The following DMD variants were observed in gnomAD, a reference collection of about 807,000 sequenced individuals.
DMD encodes dystrophin, also known as mutant dystrophin.
A neutral mutation model predicts 330.1 loss-of-function variants in DMD; 63 were observed. The observed-to-expected ratio is 0.19, with a 90% CI of 0.16 to 0.24. DMD has a LOEUF of 0.24. DMD is among the 10% of genes least tolerant of loss of function. The pLI, the probability that DMD is intolerant of heterozygous loss-of-function variation, is 1.00. For missense variants in DMD, 3,344 were observed against 2,684.1 expected (o/e 1.25, Z -5.43); for synonymous variants, 1,223 against 959.8 (o/e 1.27, Z -5.07).
chrX:32,758,667 C>G (rs1201235625), intron 7 of DMD, among the ~76,000 whole-genome samples: 1 of 111,445 alleles, frequency 9.0e-6, no homozygotes, highest in Non-Finnish European at 1.9e-5. Flanking sequence ...CCCATTTACT[C>G]TTACTGCAAT....
At chrX:32,237,684 T>C (rs995962827) in intron 43 of DMD, among the ~76,000 whole-genome samples, 1 of 112,042 alleles carries the variant, frequency 8.9e-6, no homozygotes, top group Non-Finnish European at 1.9e-5. Context: ...ATATCACTCC[T>C]ACATAGAGGC....
At chrX:31,327,416 G>A (rs1021256500) in intron 61 of DMD, among the ~76,000 whole-genome samples, 1 of 112,030 alleles carries the variant, frequency 8.9e-6, no homozygotes, top group African/African-American at 3.2e-5. Flanking sequence ...TATTTCAGCC[G>A]TTTTTAAATG....
chrX:33,114,730 CATAG>C (rs10548235), intron 1 of DMD, among the ~76,000 whole-genome samples: 2,786 of 111,588 alleles, frequency 0.025, 92 homozygotes, highest in African/African-American at 0.086. Context: ...AATATTTTTT[CATAG>C]ATAGTAACAC....
rs187085528 is a variant in DMD at position 32,389,923 on chromosome X, G to A, written c.4344+148C>T. On this transcript the variant is annotated intron_variant, in intron 31 of 78. Transcript: ENST00000357033. ...ACCTATTTTATCTTTAAAATGTAGAGAGCAAAACACTCATTGTTTAGACAT... is the reference window on the plus strand; with the variant it reads ...ACCTATTTTATCTTTAAAATGTAGAAAGCAAAACACTCATTGTTTAGACAT... The A allele has an allele frequency of 5.5e-4, 294 of 537,687 alleles. No homozygotes were observed. In the African/African-American group the frequency reaches 5.7e-3, roughly 10 times the overall value. 44.3% of individuals were successfully genotyped at this position (537,687 alleles called of 1,213,427 possible). A position where few individuals can be genotyped will look rare whatever the true frequency, so the allele number is the denominator to read the frequency against.
Position 32,465,604 on chromosome X carries a change from G to A in DMD, c.3163-905C>T, listed in dbSNP as rs866205675. On this transcript the variant is annotated intron_variant, in intron 23 of 78. Coordinates refer to ENST00000357033, the MANE Select transcript of DMD (RefSeq NM_004006.3). ...TTTGTTTTTTTTTTTTTTTTTTTTT[G>A]AGATGGAGTCTTGCTCTGTCGCCCA... Among the ~76,000 whole-genome samples, 7 of 12,168 alleles carry A rather than the reference G, an allele frequency of 5.8e-4. No individual in the cohort carries two copies. In the Middle Eastern group the frequency reaches 0.071, roughly 124 times the overall value. The allele number at this position is 12,168 out of a possible 115,157, so 10.6% of individuals were successfully genotyped here. A position where few individuals can be genotyped will look rare whatever the true frequency, so the allele number is the denominator to read the frequency against.
At chrX:32,548,131 CACAAGGTTTCTATAAAATTCT>C (rs2049158790) in intron 16 of DMD, among the ~76,000 whole-genome samples, 1 of 111,153 alleles carries the variant, frequency 9.0e-6, no homozygotes, top group African/African-American at 3.3e-5. Flanking sequence ...GCAGCTGAAC[CACAAGGTTTCTATAAAATTCT>C]AATGTTTATT....
intron 7 of DMD, among the ~76,000 whole-genome samples, chrX:32,802,401 G>A (rs888620127): frequency 4.5e-5 from 5 of 111,840 alleles, no homozygotes; most frequent in Non-Finnish European, 9.4e-5. Context: ...GAGATTTTCG[G>A]CTGAGATGAT....
chrX:31,450,897 T>G (rs997393078), intron 59 of DMD, among the ~76,000 whole-genome samples: 5 of 111,269 alleles, frequency 4.5e-5, no homozygotes, highest in Non-Finnish European at 9.4e-5. Context: ...GTGGCTTCCT[T>G]TTGGCTGAGG....
chrX:32,349,187 A>G (rs768876827), intron 37 of DMD, among the ~76,000 whole-genome samples: 13 of 111,755 alleles, frequency 1.2e-4, no homozygotes, highest in Non-Finnish European at 1.3e-4. Flanking sequence ...GATAATGACC[A>G]GTCTAAGAAA....
chrX:31,734,775 G>A (rs1289658015), intron 51 of DMD, among the ~76,000 whole-genome samples: 3 of 111,557 alleles, frequency 2.7e-5, no homozygotes, highest in Admixed American at 9.6e-5. Flanking sequence ...TATGGTAGGG[G>A]AAACATGGAG....
intron 42 of DMD, among the ~76,000 whole-genome samples, chrX:32,303,386 A>C (rs911885749): frequency 2.9e-4 from 32 of 110,784 alleles, no homozygotes; most frequent in African/African-American, 1.0e-3. Flanking sequence ...TGGAGGAAAA[A>C]AACAACAAAC....
chrX:33,216,101 T>C (rs1163502189), upstream of DMD, among the ~76,000 whole-genome samples: 1 of 112,393 alleles, frequency 8.9e-6, no homozygotes, highest in Non-Finnish European at 1.9e-5. Context: ...GCACTGAATC[T>C]GTAAATTGCT....
Position 31,289,269 on chromosome X carries a change from AAAATAAAAT to A in DMD, c.9225-28262_9225-28254del, listed in dbSNP as rs1161118046. Among the ~76,000 whole-genome samples the A allele has an allele frequency of 7.0e-5, 6 of 86,162 alleles. 1 individual carries two copies. Among genetic ancestry groups the A allele is most frequent in the African/African-American group, 1.0e-4 (2 of 19,336 alleles). 74.8% of individuals were successfully genotyped at this position (86,162 alleles called of 115,157 possible). On this transcript the variant is annotated intron_variant, in intron 62 of 78. Coordinates refer to ENST00000357033, the MANE Select transcript of DMD (RefSeq NM_004006.3). ...GACAGAGCAAAAAAAAAAAAAATAA[AAAATAAAAT>A]AAAATCCATCTCAAAAAAAAAAAAA...
At chrX:32,830,690 T>C (rs1000063450) in intron 4 of DMD, among the ~76,000 whole-genome samples, 20 of 112,112 alleles carry the variant, frequency 1.8e-4, no homozygotes, top group African/African-American at 6.5e-4. Context: ...TTGGCTTTTG[T>C]AGTTCCTGTC....
intron 53 of DMD, among the ~76,000 whole-genome samples, chrX:31,664,529 C>CTTTTTTTT (rs57706460): frequency 3.1e-4 from 20 of 63,759 alleles, no homozygotes; most frequent in Admixed American, 9.9e-4. Context: ...AGTGTTCAAG[C>CTTTTTTTT]TTTTTTTTTT....
chrX:33,269,374 G>A (rs754899059), intron 1 of DMD, among the ~76,000 whole-genome samples: 2 of 110,850 alleles, frequency 1.8e-5, no homozygotes, highest in African/African-American at 3.3e-5. Context: ...ACTTATAAAT[G>A]GGAACTAAAC....
At position 33,010,202 on chromosome X, in the gene DMD, ATG is replaced by A. The variant is rs755013816; in HGVS notation, c.93+9935_93+9936del. Among the ~76,000 whole-genome samples the A allele has an allele frequency of 2.0e-3, 185 of 93,550 alleles. 1 individual carries two copies. Among genetic ancestry groups the A allele is most frequent in the South Asian group, 0.011 (22 of 2,056 alleles). The allele number at this position is 93,550 out of a possible 115,157, so 81.2% of individuals were successfully genotyped here. A position where few individuals can be genotyped will look rare whatever the true frequency, so the allele number is the denominator to read the frequency against. On this transcript the variant is annotated intron_variant, in intron 2 of 78. Transcript: ENST00000357033. ...TATATTTGTGTATGTATATATGCAT[ATG>A]TGTGTGTATATGTACATATGTGTGT... is the stretch of plus-strand genomic sequence containing the variant.
intron 29 of DMD, among the ~76,000 whole-genome samples, chrX:32,429,513 C>T (rs947105107): frequency 1.1e-4 from 12 of 105,434 alleles, no homozygotes; most frequent in African/African-American, 4.2e-4. Context: ...CACGCCCGGC[C>T]GCTGGTATTT....
chrX:32,498,113 A>T (rs1363830660), intron 19 of DMD, among the ~76,000 whole-genome samples: 5 of 111,344 alleles, frequency 4.5e-5, no homozygotes, highest in African/African-American at 1.6e-4. Flanking sequence ...ACATCACTAG[A>T]TACCTGGTCT....
Sources: allele counts gnomAD v4.1 joint callset (sites outside exome capture counted in the v4.1 genomes callset), GRCh38; gene constraint gnomAD v4.1.1; transcripts MANE v1.5; gene names NCBI Gene and HGNC (gene_info 2026-07-23, HGNC 2026-07-21).